SMG1: variants seen among roughly 807,000 people sequenced by gnomAD.
The protein encoded by SMG1 is serine/threonine-protein kinase SMG1.
Under a neutral mutation model 419.9 loss-of-function variants are expected in SMG1, and 22 were observed. The observed-to-expected ratio is 0.05, with a 90% CI of 0.04 to 0.07. The LOEUF is 0.07. SMG1 is among the 10% of genes least tolerant of loss of function. The pLI is 1.00. For synonymous variants in SMG1, 1,538 were observed against 1,553.5 expected, an observed-to-expected ratio of 0.99 and a Z score of 0.23; for missense variants, 3,185 against 4,342.0, an observed-to-expected ratio of 0.73 and a Z score of 7.49.
intron 1 of SMG1, among the ~76,000 whole-genome samples, chr16:18,909,950 C>A (rs1482616898): frequency 6.6e-6 from 1 of 151,940 alleles, no homozygotes; most frequent in Non-Finnish European, 1.5e-5. Context: ...ACACTTTAAT[C>A]AGATTGACAT....
chr16:18,858,183 C>T lies in SMG1; in HGVS notation c.4221G>A (p.Leu1407=). 2 of 1,565,344 alleles carry T rather than the reference C, an allele frequency of 1.3e-6. No individual in the cohort carries two copies. Among genetic ancestry groups the T allele is most frequent in the Non-Finnish European group, 1.7e-6 (2 of 1,156,838 alleles). The change falls in exon 29 of 63, where the codon TTG becomes TTA. Residue 1407 remains leucine, a synonymous_variant. Coordinates refer to ENST00000446231, the MANE Select transcript of SMG1 (RefSeq NM_015092.5). ...AAAACCACTTACCTTTAATTTTCTCCAACAACTGATTCTGGTACATAGTAT... is the reference window on the plus strand; with the variant it reads ...AAAACCACTTACCTTTAATTTTCTCTAACAACTGATTCTGGTACATAGTAT... ...LRYTMYQNQL[L]EKIKEQTVPI...
intron 1 of SMG1, among the ~76,000 whole-genome samples, chr16:18,906,663 A>G (rs2037576013): frequency 6.6e-6 from 1 of 152,170 alleles, no homozygotes; most frequent in Non-Finnish European, 1.5e-5. Flanking sequence ...AAAAACATAT[A>G]AAAAGGAAAA....
intron 2 of SMG1, among the ~76,000 whole-genome samples, 166 bp downstream of exon 2, chr16:18,896,627 T>TA (rs1416238885): frequency 6.6e-6 from 1 of 152,156 alleles, no homozygotes; most frequent in Non-Finnish European, 1.5e-5. Flanking sequence ...TTAAAAATAA[T>TA]AAAGTGGATA....
intron 22 of SMG1, among the ~76,000 whole-genome samples, chr16:18,867,346 C>G (rs1407558591): frequency 4.6e-5 from 7 of 151,890 alleles, no homozygotes; most frequent in Admixed American, 4.6e-4. Flanking sequence ...CCAGCCTGGC[C>G]AACATGGTGA....
Position 18,906,883 on chromosome 16 carries a change from C to T in SMG1, c.93-9927G>A, listed in dbSNP as rs1311558327. On this transcript the variant is annotated intron_variant, in intron 1 of 62. Transcript: ENST00000446231. ...AAGATACAGTTCAGGCCTCAATCTGCTCATCCTTTCAGCAGCTTTCACAGG... is the reference window on the plus strand; with the variant it reads ...AAGATACAGTTCAGGCCTCAATCTGTTCATCCTTTCAGCAGCTTTCACAGG... Among the ~76,000 whole-genome samples the T allele has an allele frequency of 2.0e-5, 3 of 152,216 alleles. No individual in the cohort carries two copies. The East Asian group carries it at 5.8e-4, about 29-fold the overall frequency.
intron 1 of SMG1, among the ~76,000 whole-genome samples, chr16:18,914,289 TAAC>T (rs1172437131): frequency 1.3e-5 from 2 of 152,088 alleles, no homozygotes; most frequent in Non-Finnish European, 2.9e-5. Context: ...AACATAATAA[TAAC>T]ATGAATATGA....
intron 6 of SMG1, among the ~76,000 whole-genome samples, chr16:18,887,663 CTT>C: frequency 1.1e-5 from 1 of 88,810 alleles, no homozygotes; most frequent in South Asian, 4.0e-4. Flanking sequence ...TAAAAATACA[CTT>C]TTTATTTAAA....
chr16:18,925,652 C>CCT (rs1340664692), intron 1 of SMG1: 1 of 260,976 alleles, frequency 3.8e-6, no homozygotes. Flanking sequence ...GGAATGCCCC[C>CCT]CACCCCCACC....
chr16:18,919,657 TACACAC>T (rs368125844), intron 1 of SMG1, among the ~76,000 whole-genome samples: 42,553 of 125,436 alleles, frequency 0.34, 7,936 homozygotes, highest in Non-Finnish European at 0.42. Flanking sequence ...TGTGTATATA[TACACAC>T]ACACACACAC....
chr16:18,882,346 T>G lies in SMG1; in HGVS notation c.1120-8A>C, dbSNP rs1287553414. 6.4e-7 allele frequency: 1 copy of G among 1,565,066 alleles called. No individual in the cohort carries two copies. The highest frequency in any genetic ancestry group is 1.2e-5 in the South Asian group (1 of 85,234). ...GGCCACATGGCTGAGGTCCTAGATGTGAATTCACAGCATTCTTAATAAGTA... is the reference window on the plus strand; with the variant it reads ...GGCCACATGGCTGAGGTCCTAGATGGGAATTCACAGCATTCTTAATAAGTA... On this transcript the variant is annotated splice_region_variant and splice_polypyrimidine_tract_variant and intron_variant, in intron 9 of 62. Coordinates refer to ENST00000446231, the MANE Select transcript of SMG1 (RefSeq NM_015092.5).
At chr16:18,886,496 C>T (rs900721936) in intron 6 of SMG1, among the ~76,000 whole-genome samples, 4 of 152,168 alleles carry the variant, frequency 2.6e-5, no homozygotes, top group Non-Finnish European at 4.4e-5. Flanking sequence ...AAAAGAAATG[C>T]TAGAATCAGA....
chr16:18,879,785 C>T lies in SMG1; in HGVS notation c.1294-66G>A, dbSNP rs1007765513. On this transcript the variant is annotated intron_variant, in intron 10 of 62. Transcript: ENST00000446231. ...CGTGCTTCCACAAAGCAAGAAAATACTTTTTATTTAATGCAATTTCAACTG... is the reference window on the plus strand; with the variant it reads ...CGTGCTTCCACAAAGCAAGAAAATATTTTTTATTTAATGCAATTTCAACTG... The T allele has an allele frequency of 6.1e-6, 7 of 1,144,918 alleles. No individual in the cohort carries two copies. The African/African-American group carries it at 9.0e-5, about 15-fold the overall frequency. 70.9% of individuals were successfully genotyped at this position (1,144,918 alleles called of 1,614,324 possible). A position where few individuals can be genotyped will look rare whatever the true frequency, so the allele number is the denominator to read the frequency against.
In SMG1 at chr16:18,872,556, C is replaced by T; in HGVS notation, c.1959G>A (p.Leu653=). 1.3e-6 allele frequency: 2 copies of T among 1,505,112 alleles called. No individual in the cohort carries two copies. Among genetic ancestry groups the T allele is most frequent in the Non-Finnish European group, 1.8e-6 (2 of 1,119,644 alleles). The allele number at this position is 1,505,112 out of a possible 1,614,324, so 93.2% of individuals were successfully genotyped here. A position where few individuals can be genotyped will look rare whatever the true frequency, so the allele number is the denominator to read the frequency against. ...ACTGAATGGCAGGGAAGTGAACAGCCAGGTCACTGTGCACAATCATCAGAT... is the reference window on the plus strand; with the variant it reads ...ACTGAATGGCAGGGAAGTGAACAGCTAGGTCACTGTGCACAATCATCAGAT... The part of the protein sequence containing the change: ...SKNLMIVHSD[L]AVHFPAIQYA... Residue 653 remains leucine, a synonymous_variant, in exon 14 of 63, where the codon CTG becomes CTA. Transcript: ENST00000446231.
chr16:18,809,251 C>T lies in SMG1; in HGVS notation c.*318G>A. 3.2e-6 allele frequency: 1 copy of T among 308,400 alleles called. No homozygotes were observed. 19.1% of individuals were successfully genotyped at this position (308,400 alleles called of 1,614,324 possible). On this transcript the variant is annotated 3_prime_UTR_variant, in exon 63 of 63. Transcript: ENST00000446231. ...AAATCACTCTGTGCTCCGCGGCATC[C>T]CGATTTCTTTCCGCAGCTAACCTCC...
rs2035350431 is a variant in SMG1 at position 18,863,974 on chromosome 16, G to C, written c.3493+28C>G. 5 of 1,550,316 alleles carry C rather than the reference G, an allele frequency of 3.2e-6. No homozygotes were observed. In the African/African-American group the frequency reaches 6.8e-5, roughly 21 times the overall value. On this transcript the variant is annotated intron_variant, in intron 24 of 62. Transcript: ENST00000446231. The stretch of plus-strand genomic sequence containing the variant: ...TACGAAATATATTACTATAACTTTT[G>C]CTTTATTTAAAAATACTGAACGCTC...
chr16:18,863,806 G>A lies in SMG1; in HGVS notation c.3539C>T (p.Pro1180Leu), dbSNP rs753554594. ...TVLSKPTDSS[P>L]EVINYLGNKA... ...ATTTCCTAAATAATTTATAACCTCAGGGGAAGAGTCAGTCGGTTTGGACAG... is the reference window on the plus strand; with the variant it reads ...ATTTCCTAAATAATTTATAACCTCAAGGGAAGAGTCAGTCGGTTTGGACAG... Residue 1180 changes from proline (P) to leucine (L), a missense_variant, in exon 25 of 63, where the codon CCT becomes CTT. Transcript: ENST00000446231. The A allele has an allele frequency of 2.5e-6, 4 of 1,589,662 alleles. No individual in the cohort carries two copies. The Admixed American group carries it at 5.0e-5, about 20-fold the overall frequency.
Position 18,847,534 on chromosome 16 carries a change from T to TGCA in SMG1, c.5912_5914dup (p.Leu1971dup). On this transcript the variant is annotated inframe_insertion, in exon 38 of 63. Transcript: ENST00000446231. ...TCGTCTCAGGACATACATGTGTTGT[T>TGCA]GCAGCAAAACTCCCAGCCAGAGCTC... 1 of 1,614,038 alleles carries TGCA rather than the reference T, an allele frequency of 6.2e-7. No homozygotes were observed. Among genetic ancestry groups the TGCA allele is most frequent in the Non-Finnish European group, 8.5e-7 (1 of 1,179,898 alleles).
At chr16:18,838,748 A>G in intron 42 of SMG1, 59 bp from the exon 43 acceptor site, 1 of 1,047,210 alleles carries the variant, frequency 9.5e-7, no homozygotes, top group South Asian at 1.5e-5. Flanking sequence ...TCCCTCCAAC[A>G]TGGACGTGAT....
rs1257460801 is a variant in SMG1, at chr16:18,859,168, A to C, written c.3967T>G (p.Tyr1323Asp). 6.5e-7 allele frequency: 1 copy of C among 1,533,930 alleles called. No homozygotes were observed. Among genetic ancestry groups the C allele is most frequent in the South Asian group, 1.2e-5 (1 of 83,916 alleles). The change falls in exon 28 of 63, where the codon TAC (tyrosine) becomes GAC (aspartate). Residue 1323 changes from tyrosine to aspartate, a missense_variant. Physicochemically the swap from Tyr to Asp is radical, Grantham distance 160. Around this residue, in one of 27 missense-constraint regions of SMG1, gnomAD observed 120 missense variants for 193.3 expected, o/e 0.62. Transcript: ENST00000446231. ...WQSITENVVK[Y>D]LKQTSRIAIG... is the part of the protein sequence containing the mutation. Reference sequence around the variant, plus strand: ...GCGATGCGGGATGTTTGCTTCAAGTACTTTACCACATTTCTGAAACAAAAT... The same window carrying C: ...GCGATGCGGGATGTTTGCTTCAAGTCCTTTACCACATTTCTGAAACAAAAT...
Sources: gnomAD v4.1 joint callset for allele counts (sites outside exome capture counted in the v4.1 genomes callset) on GRCh38, gnomAD v4.1.1 for gene constraint, gnomAD v4.1.1 regional missense constraint, MANE v1.5 for transcripts, NCBI Gene and HGNC (gene_info 2026-07-23, HGNC 2026-07-21) for gene names.